N4BP2L2: variants seen among roughly 807,000 people sequenced by gnomAD.
N4BP2L2 encodes NEDD4 binding protein 2 like 2, also known as NEDD4-binding protein 2-like 2.
Under a neutral mutation model 56.2 loss-of-function variants are expected in N4BP2L2, and 50 were observed. The ratio of observed to expected loss-of-function variants is 0.89; its 90% CI spans 0.71 to 1.13. The LOEUF is 1.13. Among genes scored for constraint, N4BP2L2 ranks in the 50% most tolerant of loss-of-function variants. The pLI is 0.00. For missense variants in N4BP2L2, 689 were observed against 693.8 expected, an observed-to-expected ratio of 0.99 and a Z score of 0.08; for synonymous variants, 203 against 223.6, an observed-to-expected ratio of 0.91 and a Z score of 0.82.
exon 6 of N4BP2L2, chr13:32,513,384 G>T (rs890008150): frequency 1.3e-5 from 2 of 152,114 alleles, no homozygotes; most frequent in African/African-American, 4.8e-5. Flanking sequence ...TCTATTTCAA[G>T]AAATTTACTA....
chr13:32,436,350 G>A, intron 9 of N4BP2L2: 2 of 1,222,638 alleles, frequency 1.6e-6, no homozygotes, highest in African/African-American at 1.5e-5. Flanking sequence ...TCTAGAATAA[G>A]TCATACTTAC....
intron 2 of N4BP2L2, among the ~76,000 whole-genome samples, chr13:32,528,703 G>A (rs2140200550): frequency 6.6e-6 from 1 of 152,270 alleles, no homozygotes; most frequent in Non-Finnish European, 1.5e-5. Flanking sequence ...GAGGGGATTG[G>A]TGGGATGGAA....
intron 1 of N4BP2L2, among the ~76,000 whole-genome samples, chr13:32,537,993 C>G (rs926451384): frequency 6.8e-6 from 1 of 147,848 alleles, no homozygotes; most frequent in Non-Finnish European, 1.5e-5. Flanking sequence ...TCGCTTGAAC[C>G]CGGGGGGGGC....
At chr13:32,521,556 C>A (rs1325755123) in intron 4 of N4BP2L2, 107 bp from the exon 5 acceptor site, 9 of 693,010 alleles carry the variant, frequency 1.3e-5, no homozygotes, top group Middle Eastern at 7.0e-4. Flanking sequence ...ACTTGCTCGA[C>A]CAAGAAAAAT....
chr13:32,443,078 T>C (rs767780759), exon 7 of N4BP2L2: 2 of 1,606,260 alleles, frequency 1.2e-6, no homozygotes, highest in Admixed American at 3.4e-5. Context: ...TTCTTCCTCC[T>C]TTTCTTATTT....
At chr13:32,512,657 A>C (rs1356507352) in exon 6 of N4BP2L2, 1 of 152,192 alleles carries the variant, frequency 6.6e-6, no homozygotes, top group Non-Finnish European at 1.5e-5. Flanking sequence ...TTCTAGAATA[A>C]CTATTTACTG....
At chr13:32,483,879 G>A (rs1332601668) in intron 6 of N4BP2L2, among the ~76,000 whole-genome samples, 8 of 151,588 alleles carry the variant, frequency 5.3e-5, no homozygotes, top group Non-Finnish European at 4.4e-5. Context: ...AGCTACTCGG[G>A]AGGCTAAGGC....
chr13:32,491,857 C>T (rs911330191), intron 6 of N4BP2L2, among the ~76,000 whole-genome samples: 2 of 151,888 alleles, frequency 1.3e-5, no homozygotes, highest in African/African-American at 4.8e-5. Context: ...GTCTCGATCT[C>T]CTGACTTCCT....
In N4BP2L2 at chr13:32,486,308, A is replaced by G. The variant is rs570255862; in HGVS notation, c.365+31549T>C. On this transcript the variant is annotated intron_variant, in intron 6 of 9. Transcript: ENST00000357505. ...AAATACAAATTGGAAAGAAAGAAGT[A>G]AAACATGTCTATTTGCAGATAATAG... 1.1e-4 allele frequency among the ~76,000 whole-genome samples: 16 copies of G among 152,368 alleles called. No individual in the cohort carries two copies. In the South Asian group the frequency reaches 1.4e-3, roughly 14 times the overall value.
intron 2 of N4BP2L2, among the ~76,000 whole-genome samples, chr13:32,533,079 T>C (rs1190868215): frequency 6.6e-6 from 1 of 152,160 alleles, no homozygotes; most frequent in African/African-American, 2.4e-5. Context: ...AATTGCAAAA[T>C]TTTAACTATA....
intron 6 of N4BP2L2, among the ~76,000 whole-genome samples, chr13:32,462,861 TAAAAAAAAAAAAAAAAAAAAAA>T (rs569068082): frequency 5.9e-5 from 3 of 51,092 alleles, no homozygotes; most frequent in African/African-American, 1.8e-4. Context: ...CTGTCTTTAC[TAAAAAAAAAAAAAAAAAAAAAA>T]AAAAAAAAAA....
At chr13:32,484,033 C>G (rs566610777) in intron 6 of N4BP2L2, among the ~76,000 whole-genome samples, 50 of 151,182 alleles carry the variant, frequency 3.3e-4, no homozygotes, top group Middle Eastern at 6.9e-3. Flanking sequence ...GGGGCCAGGC[C>G]CAGTGGTTTA....
At chr13:32,439,838 C>T (rs567598551) in intron 7 of N4BP2L2, among the ~76,000 whole-genome samples, 1 of 144,360 alleles carries the variant, frequency 6.9e-6, no homozygotes, top group South Asian at 2.3e-4. Context: ...TGGTGAAACC[C>T]CATCTCTATT....
rs553178128 is a variant in N4BP2L2, at chr13:32,481,089, A to G, written c.365+36768T>C. On this transcript the variant is annotated intron_variant, in intron 6 of 9. Transcript: ENST00000357505. ...AGCCGAGATCACACCACTGCGCTCC[A>G]GCCTCAGCAACAGAGTGAGACTCTG... Among the ~76,000 whole-genome samples the G allele has an allele frequency of 3.2e-5, 4 of 123,512 alleles. No individual in the cohort carries two copies. The South Asian group carries it at 8.7e-4, about 27-fold the overall frequency. 81.0% of individuals were successfully genotyped at this position (123,512 alleles called of 152,430 possible).
downstream of N4BP2L2, chr13:32,505,726 G>A (rs1052078535): frequency 2.0e-5 from 3 of 152,088 alleles, no homozygotes; most frequent in African/African-American, 7.2e-5. Context: ...TCATTTGTTT[G>A]AGTTCCTACC....
intron 6 of N4BP2L2, among the ~76,000 whole-genome samples, chr13:32,499,267 T>C (rs538397284): frequency 2.0e-5 from 3 of 152,312 alleles, no homozygotes; most frequent in African/African-American, 7.2e-5. Context: ...TACGCATTCA[T>C]GCAGACAACA....
intron 6 of N4BP2L2, among the ~76,000 whole-genome samples, chr13:32,444,610 T>G (rs2076767347): frequency 6.6e-6 from 1 of 152,240 alleles, no homozygotes; most frequent in Admixed American, 6.5e-5. Context: ...AGAGATATTT[T>G]AATCCTATAC....
intron 6 of N4BP2L2, among the ~76,000 whole-genome samples, chr13:32,485,258 T>C (rs2085613927): frequency 6.6e-6 from 1 of 152,152 alleles, no homozygotes. Flanking sequence ...CTGAAGTAAA[T>C]GAAGAACAGT....
chr13:32,513,824 A>C (rs566158098), exon 6 of N4BP2L2: 20 of 152,316 alleles, frequency 1.3e-4, no homozygotes, highest in African/African-American at 4.6e-4. Context: ...AGAATACATT[A>C]AACTTCAATA....
Sources: gnomAD v4.1 joint callset for allele counts (sites outside exome capture counted in the v4.1 genomes callset) on GRCh38, gnomAD v4.1.1 for gene constraint, MANE v1.5 for transcripts, NCBI Gene and HGNC (gene_info 2026-07-23, HGNC 2026-07-21) for gene names.